Variants in MACROD1 observed in about 807,000 individuals in gnomAD.
MACROD1 encodes the protein ADP-ribose glycohydrolase MACROD1.
Under a neutral mutation model 41.4 loss-of-function variants are expected in MACROD1, and 31 were observed. That is an observed-to-expected ratio of 0.75 (90% CI 0.56 to 1.01). MACROD1 has a LOEUF of 1.01. Ranked by LOEUF, MACROD1 falls within the 50% of genes least tolerant of loss-of-function variation. MACROD1 has a pLI of 0.00. For missense variants in MACROD1, 473 were observed against 460.0 expected, an observed-to-expected ratio of 1.03 and a Z score of -0.26; for synonymous variants, 252 against 203.4, an observed-to-expected ratio of 1.24 and a Z score of -2.03.
In MACROD1 at chr11:64,116,989, A is replaced by T. The variant is rs1565241569; in HGVS notation, c.517+34250T>A. The T allele has an allele frequency of 5.6e-6, 9 of 1,612,456 alleles. No homozygotes were observed. The highest frequency in any genetic ancestry group is 7.6e-6 in the Non-Finnish European group (9 of 1,179,906). ...CTGCTGGCCAACCAGCGCATCGCCG[A>T]CGACACCTTCAGCCGCCTACAGAAC... On this transcript the variant is annotated intron_variant, in intron 3 of 10. Coordinates refer to ENST00000255681, the MANE Select transcript of MACROD1 (RefSeq NM_014067.4).
intron 1 of MACROD1, among the ~76,000 whole-genome samples, chr11:64,157,611 G>A (rs768169924): frequency 1.1e-4 from 16 of 152,196 alleles, no homozygotes; most frequent in Non-Finnish European, 1.6e-4. Flanking sequence ...GACCCCAGAC[G>A]AAGCTTCCAG....
chr11:64,117,856 C>A (rs948909481), intron 3 of MACROD1: 3 of 1,614,048 alleles, frequency 1.9e-6, no homozygotes, highest in African/African-American at 2.7e-5. Flanking sequence ...GCAGAGACAG[C>A]CGACAGCTAT....
chr11:64,016,885 G>C (rs1438177814), intron 3 of MACROD1, among the ~76,000 whole-genome samples: 1 of 152,258 alleles, frequency 6.6e-6, no homozygotes, highest in Admixed American at 6.5e-5. Flanking sequence ...GGGTGCCCAG[G>C]CTGGCCCAGG....
intron 3 of MACROD1, among the ~76,000 whole-genome samples, chr11:64,054,466 G>A (rs1943747891): frequency 6.6e-6 from 1 of 152,098 alleles, no homozygotes; most frequent in African/African-American, 2.4e-5. Flanking sequence ...AACAAAGTGG[G>A]TGCTGGGTTC....
chr11:63,999,425 G>T, intron 7 of MACROD1, 21 bp from the exon 8 acceptor site: 3 of 1,559,726 alleles, frequency 1.9e-6, no homozygotes, highest in Non-Finnish European at 2.6e-6. Context: ...TGGGGCGGGA[G>T]TGAGTCCTAG....
chr11:64,088,406 G>GGCC (rs1288793613), intron 3 of MACROD1, among the ~76,000 whole-genome samples: 17 of 152,198 alleles, frequency 1.1e-4, no homozygotes, highest in Admixed American at 1.1e-3. Flanking sequence ...ACCTGTGGAA[G>GGCC]GCCGGCACAA....
chr11:64,076,765 A>G (rs922304164), intron 3 of MACROD1, among the ~76,000 whole-genome samples: 22 of 152,314 alleles, frequency 1.4e-4, no homozygotes, highest in African/African-American at 5.1e-4. Flanking sequence ...TGTTGTTGGC[A>G]GAGCTAGCTA....
chr11:64,117,039 A>G (rs1321490316), intron 3 of MACROD1: 1 of 1,609,440 alleles, frequency 6.2e-7, no homozygotes, highest in East Asian at 2.2e-5. Flanking sequence ...GCTGGTGCGC[A>G]ATTCGCTGGC....
intron 1 of MACROD1, among the ~76,000 whole-genome samples, chr11:64,163,809 C>G (rs1272597041): frequency 6.6e-6 from 1 of 152,204 alleles, no homozygotes; most frequent in Non-Finnish European, 1.5e-5. Flanking sequence ...TGTTTTGTTA[C>G]ACAGAAATAG....
At chr11:64,017,913 G>A (rs1300217538) in intron 3 of MACROD1, among the ~76,000 whole-genome samples, 1 of 152,244 alleles carries the variant, frequency 6.6e-6, no homozygotes, top group Non-Finnish European at 1.5e-5. Context: ...TTGCTGACCT[G>A]CTGTTCTGCA....
Position 64,163,508 on chromosome 11 carries a change from C to T in MACROD1, c.298+2189G>A, listed in dbSNP as rs566020292. 5.9e-5 allele frequency among the ~76,000 whole-genome samples: 9 copies of T among 152,284 alleles called. No individual in the cohort carries two copies. The South Asian group carries it at 6.2e-4, about 11-fold the overall frequency. On this transcript the variant is annotated intron_variant, in intron 1 of 10. Transcript: ENST00000255681. ...ATCGGGGTCTCCTCACGATCCCTCT[C>T]GTGGAGCATATGCTCTGGGGGAAAA...
intron 3 of MACROD1, among the ~76,000 whole-genome samples, chr11:64,073,799 G>A (rs1364088517): frequency 1.3e-5 from 2 of 152,196 alleles, no homozygotes; most frequent in Non-Finnish European, 1.5e-5. Context: ...CCCAGCAGCC[G>A]CATCCAGCCC....
intron 3 of MACROD1, among the ~76,000 whole-genome samples, chr11:64,060,032 G>C (rs1206429038): frequency 1.3e-5 from 2 of 152,240 alleles, no homozygotes; most frequent in African/African-American, 2.4e-5. Context: ...CCACACGGCA[G>C]GGGGGAATGG....
rs141783728 is a variant in MACROD1 at position 64,037,694 on chromosome 11, G to A, written c.518-22413C>T. Among the ~76,000 whole-genome samples the A allele has an allele frequency of 1.3e-3, 195 of 152,274 alleles. 1 individual carries two copies. The Middle Eastern group carries it at 0.024, about 19-fold the overall frequency. The stretch of plus-strand genomic sequence containing the variant: ...AGTCCCATGTTCTTTCCCAGACACA[G>A]AGACTGGATACTCTTCAGTAAAAAG... On this transcript the variant is annotated intron_variant, in intron 3 of 10. Coordinates refer to ENST00000255681, the MANE Select transcript of MACROD1 (RefSeq NM_014067.4).
chr11:64,131,339 C>T (rs1244949861), intron 3 of MACROD1, among the ~76,000 whole-genome samples: 4 of 150,590 alleles, frequency 2.7e-5, no homozygotes, highest in South Asian at 2.1e-4. Flanking sequence ...ACCCTCGGGA[C>T]GTTTTCTTTT....
At chr11:64,083,586 C>A (rs1157456438) in intron 3 of MACROD1, among the ~76,000 whole-genome samples, 1 of 152,232 alleles carries the variant, frequency 6.6e-6, no homozygotes, top group Non-Finnish European at 1.5e-5. Flanking sequence ...TGCCACAAAT[C>A]CTTTCGAGAA....
chr11:64,000,511 T>C (rs1439799292), intron 4 of MACROD1, among the ~76,000 whole-genome samples, 168 bp from the exon 5 acceptor site: 1 of 151,470 alleles, frequency 6.6e-6, no homozygotes, highest in Non-Finnish European at 1.5e-5. Flanking sequence ...CCCGGAATGT[T>C]TCACATCTGG....
chr11:64,022,293 C>CA (rs2134351463), intron 3 of MACROD1, among the ~76,000 whole-genome samples: 1 of 152,166 alleles, frequency 6.6e-6, no homozygotes, highest in East Asian at 1.9e-4. Flanking sequence ...GGATGCCTCT[C>CA]AGACTTCCCC....
At chr11:64,076,113 G>C (rs1944195500) in intron 3 of MACROD1, among the ~76,000 whole-genome samples, 1 of 152,148 alleles carries the variant, frequency 6.6e-6, no homozygotes, top group Non-Finnish European at 1.5e-5. Context: ...TCAAGCACAG[G>C]CTGGCCCTGC....
Sources: gnomAD v4.1 joint callset for allele counts (sites outside exome capture counted in the v4.1 genomes callset) on GRCh38, gnomAD v4.1.1 for gene constraint, MANE v1.5 for transcripts, NCBI Gene and HGNC (gene_info 2026-07-23, HGNC 2026-07-21) for gene names.